ZNF536: variants seen among roughly 807,000 people sequenced by gnomAD.
ZNF536 encodes the protein zinc finger protein 536.
ZNF536 carries 13 observed loss-of-function variants against 84.5 expected under a neutral mutation model. The ratio of observed to expected loss-of-function variants is 0.15; its 90% CI spans 0.10 to 0.24. The LOEUF is 0.24. Ranked by LOEUF, ZNF536 falls within the 10% of genes least tolerant of loss-of-function variation. ZNF536 has a pLI of 1.00. For missense variants in ZNF536, 1,536 were observed against 1,747.5 expected (o/e 0.88, Z 2.16); for synonymous variants, 811 against 742.5 (o/e 1.09, Z -1.50).
At chr19:30,259,354 C>T (rs544080966) in intron 1 of ZNF536, among the ~76,000 whole-genome samples, 1 of 152,158 alleles carries the variant, frequency 6.6e-6, no homozygotes, top group Non-Finnish European at 1.5e-5. Context: ...CTTTCCCTTA[C>T]AGAAAAAGAA....
At chr19:30,362,045 GT>G (rs2048292507) in intron 3 of ZNF536, among the ~76,000 whole-genome samples, 1 of 151,642 alleles carries the variant, frequency 6.6e-6, no homozygotes, top group African/African-American at 2.4e-5. Context: ...TGTACTGCGG[GT>G]GTCTGTCTGT....
chr19:30,659,952 G>GGTGT lies in ZNF536; in HGVS notation c.170-50778_170-50775dup, dbSNP rs5827727. 2.6e-3 allele frequency among the ~76,000 whole-genome samples: 268 copies of GGTGT among 101,284 alleles called. 1 individual carries two copies. The highest frequency in any genetic ancestry group is 6.9e-3 in the African/African-American group (145 of 21,018). The allele number at this position is 101,284 out of a possible 152,430, so 66.4% of individuals were successfully genotyped here. A position where few individuals can be genotyped will look rare whatever the true frequency, so the allele number is the denominator to read the frequency against. On this transcript the variant is annotated intron_variant, in intron 1 of 1. Transcript: ENST00000592773. ...TTGCTCCTACCCTGTTTGACACAAGGGTGTGTGTGTGTGTGTGTGTGTGTG... is the reference window on the plus strand; with the variant it reads ...TTGCTCCTACCCTGTTTGACACAAGGGTGTGTGTGTGTGTGTGTGTGTGTGTGTG...
At position 30,631,203 on chromosome 19, in the gene ZNF536, G is replaced by T. The variant is rs1295975809; in HGVS notation, c.170-79554G>T. Among the ~76,000 whole-genome samples, 3 of 152,324 alleles carry T rather than the reference G, an allele frequency of 2.0e-5. No individual in the cohort carries two copies. The East Asian group carries it at 5.8e-4, about 29-fold the overall frequency. ...CCTGGCCATCTGCTTGAAGCATCTG[G>T]TGATCAGGTGCAAGCCCCACACCGG... On this transcript the variant is annotated intron_variant, in intron 1 of 1. Transcript: ENST00000592773.
At chr19:30,554,379 C>G (rs1394673516) in intron 4 of ZNF536, 1 of 151,002 alleles carries the variant, frequency 6.6e-6, no homozygotes, top group Non-Finnish European at 1.5e-5. Flanking sequence ...TGCCTGTCTC[C>G]CAAGTAGCTG....
chr19:30,236,531 G>GC (rs545444697), intron 1 of ZNF536, among the ~76,000 whole-genome samples: 18 of 139,110 alleles, frequency 1.3e-4, no homozygotes, highest in African/African-American at 8.5e-5. Context: ...AGTTGGGGCG[G>GC]GGGGGGGGTA....
chr19:30,693,097 C>A (rs2051484981), intron 1 of ZNF536, among the ~76,000 whole-genome samples: 1 of 151,986 alleles, frequency 6.6e-6, no homozygotes, highest in East Asian at 1.9e-4. Flanking sequence ...TGTGTGCTTG[C>A]ACATGGTCGC....
chr19:30,370,380 C>CTAAAACATGG (rs2048572180), upstream of ZNF536, among the ~76,000 whole-genome samples: 3 of 152,134 alleles, frequency 2.0e-5, no homozygotes, highest in Admixed American at 2.0e-4. Context: ...TGAACTAAAA[C>CTAAAACATGG]CCCAGGGTGT....
intron 1 of ZNF536, among the ~76,000 whole-genome samples, chr19:30,687,495 G>A (rs1394042141): frequency 4.6e-5 from 7 of 152,176 alleles, no homozygotes; most frequent in Non-Finnish European, 8.8e-5. Flanking sequence ...AATATGGTCC[G>A]TTGATAAAGT....
intron 2 of ZNF536, among the ~76,000 whole-genome samples, chr19:30,517,670 T>C (rs917435476): frequency 2.0e-5 from 3 of 152,104 alleles, no homozygotes; most frequent in Non-Finnish European, 4.4e-5. Context: ...ACGCCCCAGC[T>C]ACTTGGGAGG....
chr19:30,408,588 T>C (rs2050357294), intron 1 of ZNF536, among the ~76,000 whole-genome samples: 1 of 152,326 alleles, frequency 6.6e-6, no homozygotes, highest in East Asian at 1.9e-4. Context: ...GGGAGGGATA[T>C]TGGTGAGGGC....
chr19:30,396,014 G>A (rs568033238), intron 1 of ZNF536, among the ~76,000 whole-genome samples: 1 of 152,252 alleles, frequency 6.6e-6, no homozygotes, highest in Non-Finnish European at 1.5e-5. Context: ...ACATTAGGGT[G>A]CACTTGGCGT....
At chr19:30,449,353 A>G (rs935074346) in intron 2 of ZNF536, among the ~76,000 whole-genome samples, 3 of 152,184 alleles carry the variant, frequency 2.0e-5, no homozygotes, top group Admixed American at 6.5e-5. Flanking sequence ...TCTGGCTTGC[A>G]TGCAAACACT....
chr19:30,667,560 A>G (rs58769168), intron 1 of ZNF536, among the ~76,000 whole-genome samples: 31,605 of 151,160 alleles, frequency 0.21, 3,741 homozygotes, highest in African/African-American at 0.3. Context: ...GGTTAATTGA[A>G]GGGACTGACC....
At chr19:30,601,810 G>A (rs2047696702) in intron 1 of ZNF536, among the ~76,000 whole-genome samples, 1 of 152,234 alleles carries the variant, frequency 6.6e-6, no homozygotes, top group African/African-American at 2.4e-5. Flanking sequence ...AAGCCCTGCA[G>A]TTTGCTTGTG....
intron 1 of ZNF536, among the ~76,000 whole-genome samples, chr19:30,383,755 T>C (rs1233093614): frequency 9.3e-4 from 6 of 6,474 alleles, no homozygotes; most frequent in African/African-American, 2.5e-3. Flanking sequence ...CTTTCTTTCT[T>C]TCTCTTTCTT....
At chr19:30,607,109 A>C (rs754152583) in intron 1 of ZNF536, among the ~76,000 whole-genome samples, 9 of 152,184 alleles carry the variant, frequency 5.9e-5, no homozygotes, top group Non-Finnish European at 1.3e-4. Context: ...GCTTGGATCA[A>C]ATGATCCCCT....
intron 2 of ZNF536, among the ~76,000 whole-genome samples, chr19:30,506,227 T>C (rs2055169787): frequency 6.6e-6 from 1 of 152,168 alleles, no homozygotes; most frequent in African/African-American, 2.4e-5. Flanking sequence ...GCATAAAAGC[T>C]CTGGAGGGCA....
At chr19:30,497,477 T>C (rs1236709447) in intron 2 of ZNF536, among the ~76,000 whole-genome samples, 1 of 152,190 alleles carries the variant, frequency 6.6e-6, no homozygotes, top group Non-Finnish European at 1.5e-5. Context: ...GTTAAGCCCA[T>C]GTTTTCTTCC....
intron 1 of ZNF536, among the ~76,000 whole-genome samples, chr19:30,276,308 G>A (rs1412725836): frequency 6.6e-6 from 1 of 152,168 alleles, no homozygotes; most frequent in Non-Finnish European, 1.5e-5. Context: ...GTGGAACGGA[G>A]AGTTAAACTT....
Sources: gnomAD v4.1 joint callset for allele counts (sites outside exome capture counted in the v4.1 genomes callset) on GRCh38, gnomAD v4.1.1 for gene constraint, MANE v1.5 for transcripts, NCBI Gene and HGNC (gene_info 2026-07-23, HGNC 2026-07-21) for gene names.